The following ZNF804B variants were observed in gnomAD, a reference collection of about 807,000 sequenced individuals.
ZNF804B encodes zinc finger 804B.
ZNF804B carries 80 observed loss-of-function variants against 101.4 expected under a neutral mutation model. That is an observed-to-expected ratio of 0.79 (90% CI 0.66 to 0.95). The LOEUF (loss-of-function observed/expected upper bound fraction) is 0.95, where lower values mean the gene tolerates loss of function less well. Ranked by LOEUF, ZNF804B falls within the 40% of genes least tolerant of loss-of-function variation. The pLI, the probability that ZNF804B is intolerant of heterozygous loss-of-function variation, is 0.00. For missense variants in ZNF804B, 1,673 were observed against 1,561.9 expected, an observed-to-expected ratio of 1.07 and a Z score of -1.20; for synonymous variants, 622 against 558.8, an observed-to-expected ratio of 1.11 and a Z score of -1.59.
At chr7:88,777,080 T>G (rs559448678) in intron 1 of ZNF804B, among the ~76,000 whole-genome samples, 7 of 152,050 alleles carry the variant, frequency 4.6e-5, no homozygotes, top group Non-Finnish European at 8.8e-5. Context: ...TACCTGGGAG[T>G]GCTGCAGCTG....
chr7:89,099,916 T>G (rs886366811), intron 1 of ZNF804B, among the ~76,000 whole-genome samples: 1 of 152,142 alleles, frequency 6.6e-6, no homozygotes, highest in Non-Finnish European at 1.5e-5. Flanking sequence ...GTACCATCCT[T>G]GATCTTGGAG....
intron 1 of ZNF804B, among the ~76,000 whole-genome samples, chr7:88,823,341 C>G (rs982138395): frequency 1.3e-5 from 2 of 152,160 alleles, no homozygotes; most frequent in African/African-American, 4.8e-5. Flanking sequence ...CATGATGCCT[C>G]TTGCACAGGT....
At chr7:88,985,595 C>G (rs1793748250) in intron 1 of ZNF804B, among the ~76,000 whole-genome samples, 1 of 152,026 alleles carries the variant, frequency 6.6e-6, no homozygotes, top group South Asian at 2.1e-4. Context: ...GAGCTAGTTA[C>G]CCTTTTATCT....
chr7:89,270,448 A>G (rs145729159), intron 2 of ZNF804B, among the ~76,000 whole-genome samples: 5,585 of 152,224 alleles, frequency 0.037, 315 homozygotes, highest in African/African-American at 0.13. Flanking sequence ...TACCAGTATC[A>G]TGCTGTTTTG....
chr7:89,291,722 G>A (rs1790294492), intron 2 of ZNF804B, among the ~76,000 whole-genome samples: 1 of 151,966 alleles, frequency 6.6e-6, no homozygotes, highest in Non-Finnish European at 1.5e-5. Context: ...TATTCAAATG[G>A]GTAATAATAG....
At chr7:88,815,046 G>T (rs1303160878) in intron 1 of ZNF804B, among the ~76,000 whole-genome samples, 2 of 148,798 alleles carry the variant, frequency 1.3e-5, no homozygotes, top group Admixed American at 6.7e-5. Context: ...ATGTGTGTGT[G>T]TGTGTATATA....
intron 1 of ZNF804B, among the ~76,000 whole-genome samples, chr7:88,774,656 C>A (rs1029590068): frequency 6.6e-6 from 1 of 152,124 alleles, no homozygotes; most frequent in Admixed American, 6.6e-5. Context: ...GGAAACAATT[C>A]TGTTAATCTA....
chr7:88,874,383 G>A (rs1791889387), intron 1 of ZNF804B, among the ~76,000 whole-genome samples: 1 of 151,150 alleles, frequency 6.6e-6, no homozygotes, highest in African/African-American at 2.4e-5. Context: ...GAGACAATGG[G>A]GTTTTCTAGA....
chr7:88,834,567 ATGATTTATAGATTATCT>A (rs1252075155), intron 1 of ZNF804B, among the ~76,000 whole-genome samples: 1 of 151,704 alleles, frequency 6.6e-6, no homozygotes, highest in Admixed American at 6.6e-5. Context: ...TTACTTTATA[ATGATTTATAGATTATCT>A]TGATTGGCGT....
chr7:89,174,602 G>T (rs909808322), intron 1 of ZNF804B, among the ~76,000 whole-genome samples: 1 of 151,820 alleles, frequency 6.6e-6, no homozygotes, highest in Admixed American at 6.6e-5. Context: ...CTTTCTTCTG[G>T]GTATATACTT....
intron 1 of ZNF804B, among the ~76,000 whole-genome samples, chr7:89,175,374 G>C (rs1038163412): frequency 6.6e-6 from 1 of 151,940 alleles, no homozygotes; most frequent in African/African-American, 2.4e-5. Flanking sequence ...TGTCGAAAAT[G>C]AGTTCATTGT....
intron 1 of ZNF804B, among the ~76,000 whole-genome samples, chr7:88,788,065 G>A (rs553666932): frequency 6.6e-6 from 1 of 152,202 alleles, no homozygotes; most frequent in South Asian, 2.1e-4. Flanking sequence ...AACAAAGAGG[G>A]TATAGGGAGG....
At chr7:88,854,461 T>C (rs1583977345) in intron 1 of ZNF804B, among the ~76,000 whole-genome samples, 1 of 119,878 alleles carries the variant, frequency 8.3e-6, no homozygotes, top group Non-Finnish European at 1.7e-5. Flanking sequence ...CTTTCTTTCT[T>C]TCTTTCTTTC....
intron 1 of ZNF804B, among the ~76,000 whole-genome samples, chr7:89,001,557 A>C (rs1788289197): frequency 6.6e-6 from 1 of 151,892 alleles, no homozygotes; most frequent in African/African-American, 2.4e-5. Context: ...TCTTTTGAAA[A>C]CACAACCAAT....
At position 88,807,849 on chromosome 7, in the gene ZNF804B, A is replaced by G. The variant is rs541719169; in HGVS notation, c.108+47765A>G. Among the ~76,000 whole-genome samples the G allele has an allele frequency of 4.6e-5, 7 of 152,352 alleles. No individual in the cohort carries two copies. In the South Asian group the frequency reaches 1.4e-3, roughly 32 times the overall value. On this transcript the variant is annotated intron_variant, in intron 1 of 3. Coordinates refer to ENST00000333190, the MANE Select transcript of ZNF804B (RefSeq NM_181646.5). ...TTTACCTTTCTGCCCTCAGGAAAGT[A>G]TAAACAAGGTATTCTAAATATAAGG...
At chr7:89,066,948 T>C (rs1789463654) in intron 1 of ZNF804B, among the ~76,000 whole-genome samples, 1 of 151,946 alleles carries the variant, frequency 6.6e-6, no homozygotes, top group Non-Finnish European at 1.5e-5. Context: ...AATATATATA[T>C]AAGTATATAT....
At chr7:88,784,931 T>C (rs1001790158) in intron 1 of ZNF804B, among the ~76,000 whole-genome samples, 11 of 152,308 alleles carry the variant, frequency 7.2e-5, no homozygotes, top group Admixed American at 1.3e-4. Context: ...CTCTTTTTAT[T>C]TTCCGTAGGC....
chr7:88,856,434 T>A (rs1791560277), intron 1 of ZNF804B, among the ~76,000 whole-genome samples: 1 of 152,160 alleles, frequency 6.6e-6, no homozygotes, highest in African/African-American at 2.4e-5. Context: ...TAAGAATGCT[T>A]GTGATTTTTG....
intron 1 of ZNF804B, among the ~76,000 whole-genome samples, chr7:89,104,546 C>G (rs911137263): frequency 6.6e-6 from 1 of 151,992 alleles, no homozygotes; most frequent in African/African-American, 2.4e-5. Flanking sequence ...TCATAGTAGT[C>G]TCTGATGATG....
Sources: gnomAD v4.1 joint callset for allele counts (sites outside exome capture counted in the v4.1 genomes callset) on GRCh38, gnomAD v4.1.1 for gene constraint, MANE v1.5 for transcripts, NCBI Gene and HGNC (gene_info 2026-07-23, HGNC 2026-07-21) for gene names.